Variants in ADAMTS12 observed in about 807,000 individuals in gnomAD.
ADAMTS12 encodes A disintegrin and metalloproteinase with thrombospondin motifs 12.
ADAMTS12 carries 118 observed loss-of-function variants against 167.8 expected under a neutral mutation model. That is an observed-to-expected ratio of 0.70 (90% CI 0.61 to 0.82). The LOEUF (loss-of-function observed/expected upper bound fraction) is 0.82. Among genes scored for constraint, ADAMTS12 ranks in the 40% least tolerant of loss-of-function variants. The pLI is 0.00. For synonymous variants in ADAMTS12, 704 were observed against 716.9 expected (o/e 0.98, Z 0.29); for missense variants, 1,916 against 1,998.8 (o/e 0.96, Z 0.79).
intron 17 of ADAMTS12, among the ~76,000 whole-genome samples, chr5:33,595,175 T>C (rs553504834): frequency 1.3e-5 from 2 of 152,252 alleles, no homozygotes; most frequent in South Asian, 2.1e-4. Flanking sequence ...CTCTCTCTTT[T>C]TTTTAAACAT....
chr5:33,675,911 T>G (rs941716406), intron 5 of ADAMTS12, among the ~76,000 whole-genome samples: 1 of 152,172 alleles, frequency 6.6e-6, no homozygotes, highest in Non-Finnish European at 1.5e-5. Flanking sequence ...AGAGAGACTA[T>G]GATGGCTCAC....
At chr5:33,767,707 A>G (rs549272929) in intron 2 of ADAMTS12, among the ~76,000 whole-genome samples, 9 of 152,290 alleles carry the variant, frequency 5.9e-5, no homozygotes, top group African/African-American at 2.2e-4. Flanking sequence ...TTGTGCAATT[A>G]CATTGCTAAT....
chr5:33,815,377 T>C (rs963553876), intron 2 of ADAMTS12, among the ~76,000 whole-genome samples: 4 of 152,114 alleles, frequency 2.6e-5, no homozygotes, highest in Admixed American at 2.6e-4. Context: ...GCTGAATTAG[T>C]GCCATTATAA....
chr5:33,658,279 G>A lies in ADAMTS12; in HGVS notation c.1095C>T (p.His365=). The change falls in exon 7 of 24, where the codon CAC becomes CAT. Residue 365 remains histidine (H), a synonymous_variant. Coordinates refer to ENST00000504830, the MANE Select transcript of ADAMTS12 (RefSeq NM_030955.4). ...GGTGAGGCTGACACATTCCTGAAAG[G>A]TGAGACAGGCCCAGGGTCTCGCAGG... ...NRPCETLGLS[H]LSGMCQPHRS... is the part of the protein sequence containing the mutation. 1.2e-6 allele frequency: 2 copies of A among 1,613,746 alleles called. No homozygotes were observed. Among genetic ancestry groups the A allele is most frequent in the Non-Finnish European group, 1.7e-6 (2 of 1,179,710 alleles).
chr5:33,526,993 A>G lies in ADAMTS12; in HGVS notation c.*195T>C. ...CTATTTCACCTTCCTATCAGGGAGC[A>G]GCAAGTACGGCAGCCTAGGCCTCCT... On this transcript the variant is annotated 3_prime_UTR_variant, in exon 24 of 24. Coordinates refer to ENST00000504830, the MANE Select transcript of ADAMTS12 (RefSeq NM_030955.4). The G allele has an allele frequency of 1.6e-6, 1 of 626,148 alleles. No individual in the cohort carries two copies. The allele number at this position is 626,148 out of a possible 1,614,324, so 38.8% of individuals were successfully genotyped here.
At chr5:33,753,344 C>T (rs1003397559) in intron 2 of ADAMTS12, among the ~76,000 whole-genome samples, 12 of 152,166 alleles carry the variant, frequency 7.9e-5, no homozygotes, top group Non-Finnish European at 1.3e-4. Context: ...GAAGGAAGAA[C>T]GGACAAGGCC....
chr5:33,755,910 G>A (rs545112450), intron 2 of ADAMTS12, among the ~76,000 whole-genome samples: 4 of 152,118 alleles, frequency 2.6e-5, no homozygotes, highest in African/African-American at 9.7e-5. Context: ...AGGTACCCAA[G>A]GTACCCAATA....
At chr5:33,864,682 C>A (rs1159810293) in intron 2 of ADAMTS12, among the ~76,000 whole-genome samples, 2 of 152,158 alleles carry the variant, frequency 1.3e-5, no homozygotes, top group Non-Finnish European at 2.9e-5. Flanking sequence ...AGTTCATGTC[C>A]TTTGCAGGGA....
intron 2 of ADAMTS12, among the ~76,000 whole-genome samples, chr5:33,800,885 T>C (rs1746974105): frequency 6.6e-6 from 1 of 152,182 alleles, no homozygotes; most frequent in African/African-American, 2.4e-5. Context: ...TGTTAACTTA[T>C]ATAACAACCA....
intron 2 of ADAMTS12, among the ~76,000 whole-genome samples, chr5:33,862,361 T>G (rs1055477427): frequency 2.0e-5 from 3 of 152,032 alleles, no homozygotes; most frequent in African/African-American, 7.3e-5. Context: ...ATAAAAGGGA[T>G]ATCACCACTG....
chr5:33,675,938 C>T (rs6865556), intron 5 of ADAMTS12, among the ~76,000 whole-genome samples: 12,555 of 152,188 alleles, frequency 0.082, 971 homozygotes, highest in African/African-American at 0.21. Context: ...TGCGAGGGAA[C>T]TTGTGCTAAA....
intron 10 of ADAMTS12, among the ~76,000 whole-genome samples, chr5:33,642,978 T>C (rs1740519827): frequency 6.8e-6 from 1 of 146,932 alleles, no homozygotes; most frequent in Non-Finnish European, 1.5e-5. Flanking sequence ...AGAAAGAAGA[T>C]GATAAGTGGC....
At chr5:33,719,657 G>A (rs1378947565) in intron 3 of ADAMTS12, among the ~76,000 whole-genome samples, 2 of 152,198 alleles carry the variant, frequency 1.3e-5, no homozygotes, top group African/African-American at 4.8e-5. Flanking sequence ...TTTAAACCCT[G>A]TAAGCCTAAT....
chr5:33,602,898 G>C (rs1351224515), intron 16 of ADAMTS12, among the ~76,000 whole-genome samples: 1 of 152,170 alleles, frequency 6.6e-6, no homozygotes, highest in Non-Finnish European at 1.5e-5. Context: ...GAACTTTGTA[G>C]GCATGGTCTT....
At chr5:33,836,604 T>C (rs1748537134) in intron 2 of ADAMTS12, among the ~76,000 whole-genome samples, 1 of 151,898 alleles carries the variant, frequency 6.6e-6, no homozygotes, top group Non-Finnish European at 1.5e-5. Context: ...ACAAAGTCCA[T>C]TCTGTAGAAG....
intron 2 of ADAMTS12, among the ~76,000 whole-genome samples, chr5:33,836,413 G>A (rs1748530383): frequency 6.6e-6 from 1 of 152,170 alleles, no homozygotes; most frequent in Non-Finnish European, 1.5e-5. Context: ...AGAGGGTAAA[G>A]ATCAGCTGCA....
chr5:33,586,514 C>T (rs1340123138), intron 18 of ADAMTS12, among the ~76,000 whole-genome samples: 1 of 152,220 alleles, frequency 6.6e-6, no homozygotes, highest in African/African-American at 2.4e-5. Context: ...TACATCATGC[C>T]AACTTTTTGG....
chr5:33,612,688 A>G (rs1282119539), intron 16 of ADAMTS12, among the ~76,000 whole-genome samples: 10 of 152,154 alleles, frequency 6.6e-5, no homozygotes, highest in Non-Finnish European at 1.3e-4. Context: ...TTTTTCACCC[A>G]CTTATTTTCT....
At chr5:33,593,557 T>G (rs1747752182) in intron 17 of ADAMTS12, among the ~76,000 whole-genome samples, 1 of 152,118 alleles carries the variant, frequency 6.6e-6, no homozygotes, top group Non-Finnish European at 1.5e-5. Flanking sequence ...TCTTAAAAAG[T>G]GCTAGTTTTT....
Sources: allele counts gnomAD v4.1 joint callset (sites outside exome capture counted in the v4.1 genomes callset), GRCh38; gene constraint gnomAD v4.1.1; transcripts MANE v1.5; gene names NCBI Gene and HGNC (gene_info 2026-07-23, HGNC 2026-07-21).